Variants in SNURF observed in about 807,000 individuals in gnomAD.
SNURF encodes the protein SNRPN upstream open reading frame.
A neutral mutation model predicts 11.6 loss-of-function variants in SNURF; 6 were observed. The observed-to-expected ratio is 0.52, with a 90% CI of 0.28 to 1.02. The LOEUF is 1.02. SNURF is among the 50% of genes least tolerant of loss of function. The probability of loss-of-function intolerance (pLI) is 0.09; values close to 1 mark genes in which losing one functional copy is unlikely to be tolerated. For synonymous variants in SNURF, 29 were observed against 31.6 expected (o/e 0.92, Z 0.27); for missense variants, 84 against 88.4 (o/e 0.95, Z 0.20).
At chr15:24,961,239 T>C (rs991966987) in intron 1 of SNURF, among the ~76,000 whole-genome samples, 5 of 152,190 alleles carry the variant, frequency 3.3e-5, no homozygotes, top group Non-Finnish European at 5.9e-5. Context: ...TTTAAACTCT[T>C]GAAAGAATAA....
intron 1 of SNURF, among the ~76,000 whole-genome samples, chr15:24,959,828 T>C (rs1370559304): frequency 6.6e-6 from 1 of 152,234 alleles, no homozygotes; most frequent in Admixed American, 6.5e-5. Flanking sequence ...ATAATGCTAC[T>C]AGGAACACGT....
chr15:24,959,210 T>G (rs187485581), intron 1 of SNURF, among the ~76,000 whole-genome samples: 1 of 152,374 alleles, frequency 6.6e-6, no homozygotes, highest in Admixed American at 6.5e-5. Flanking sequence ...CTCAGTTTCA[T>G]AAAATGTTGG....
chr15:24,975,044 G>A (rs2076909407), intron 3 of SNURF: 2 of 697,016 alleles, frequency 2.9e-6, no homozygotes, highest in Admixed American at 4.1e-5. Flanking sequence ...TGGAGAGAGA[G>A]AACACCCTAC....
At chr15:24,975,757 C>T (rs1396890698) in intron 4 of SNURF, among the ~76,000 whole-genome samples, 2 of 152,052 alleles carry the variant, frequency 1.3e-5, no homozygotes, top group Non-Finnish European at 2.9e-5. Context: ...TCAGAATACT[C>T]GTATTTATTT....
At chr15:24,969,418 C>T (rs1045359563), downstream of SNURF, among the ~76,000 whole-genome samples, 8 of 152,150 alleles carry the variant, frequency 5.3e-5, no homozygotes, top group Non-Finnish European at 7.3e-5. Context: ...CGTGACCTAC[C>T]GCGCCCGGCC....
intron 1 of SNURF, among the ~76,000 whole-genome samples, chr15:24,955,506 C>T (rs1334030058): frequency 3.4e-5 from 5 of 145,992 alleles, no homozygotes. Context: ...TGTGGCGGGG[C>T]GAAGGTACGT....
chr15:24,966,554 G>C (rs964358833), intron 2 of SNURF, among the ~76,000 whole-genome samples: 1 of 152,084 alleles, frequency 6.6e-6, no homozygotes, highest in Non-Finnish European at 1.5e-5. Flanking sequence ...TTTAGTCTTT[G>C]TTTGATCTTT....
intron 3 of SNURF, chr15:24,974,188 A>C: frequency 2.0e-6 from 1 of 487,966 alleles, no homozygotes; most frequent in South Asian, 2.6e-5. Context: ...CTTGGTGAGG[A>C]AGCTAGTATG....
intron 1 of SNURF, among the ~76,000 whole-genome samples, chr15:24,961,200 A>G (rs2074747881): frequency 6.6e-6 from 1 of 152,236 alleles, no homozygotes; most frequent in African/African-American, 2.4e-5. Context: ...TTTAGAAATC[A>G]AATATGTGTG....
Position 24,967,885 on chromosome 15 carries a change from A to G in SNURF, c.111-47A>G, listed in dbSNP as rs74003522. On this transcript the variant is annotated intron_variant, in intron 2 of 2. Coordinates refer to ENST00000577949, the Ensembl canonical transcript of SNURF. Reference sequence around the variant, plus strand: ...TTTTCTTTCATATGGTTTCCTATAAAGACAAATGTATTTTTATCATTTATA... The same window carrying G: ...TTTTCTTTCATATGGTTTCCTATAAGGACAAATGTATTTTTATCATTTATA... 1,349 of 1,518,936 alleles carry G rather than the reference A, an allele frequency of 8.9e-4. 13 individuals are homozygous for G. The African/African-American group carries it at 0.017, about 19-fold the overall frequency. The allele number at this position is 1,518,936 out of a possible 1,614,324, so 94.1% of individuals were successfully genotyped here.
exon 3 of SNURF, chr15:24,968,046 T>C: frequency 1.2e-6 from 2 of 1,612,952 alleles, no homozygotes; most frequent in East Asian, 2.2e-5. Context: ...AAAGCCATAT[T>C]GGAGTAGCGA....
chr15:24,973,761 C>T (rs559789754), downstream of SNURF, among the ~76,000 whole-genome samples: 33 of 151,652 alleles, frequency 2.2e-4, no homozygotes, highest in Admixed American at 6.6e-4. Flanking sequence ...TTATGTGAGT[C>T]TATATATATA....
intron 6 of SNURF, among the ~76,000 whole-genome samples, chr15:24,977,448 G>A (rs1034256102): frequency 6.6e-6 from 1 of 152,092 alleles, no homozygotes; most frequent in African/African-American, 2.4e-5. Context: ...ACACCAGCCC[G>A]GCCCACGTGG....
intron 2 of SNURF, among the ~76,000 whole-genome samples, chr15:24,964,985 T>C (rs887870236): frequency 2.6e-5 from 4 of 152,112 alleles, no homozygotes; most frequent in South Asian, 2.1e-4. Flanking sequence ...CTGAGTAAAG[T>C]GTAGAGTTAG....
exon 3 of SNURF, chr15:24,968,205 T>G (rs1802004382): frequency 1.6e-6 from 1 of 644,566 alleles, no homozygotes; most frequent in South Asian, 1.8e-5. Flanking sequence ...ATAAACACAT[T>G]GCAGAAAGTT....
downstream of SNURF, among the ~76,000 whole-genome samples, chr15:24,971,903 C>T (rs1225141829): frequency 3.9e-5 from 6 of 152,162 alleles, no homozygotes; most frequent in Non-Finnish European, 7.3e-5. Context: ...CATTCACAGT[C>T]ATGATCCTTG....
intron 1 of SNURF, among the ~76,000 whole-genome samples, chr15:24,956,334 G>C (rs1312484458): frequency 2.7e-5 from 4 of 147,554 alleles, no homozygotes; most frequent in Middle Eastern, 3.6e-3. Flanking sequence ...CAGCGGCTTA[G>C]ATCTGCGCAA....
At chr15:24,961,454 A>G (rs999130806) in intron 1 of SNURF, among the ~76,000 whole-genome samples, 2 of 152,164 alleles carry the variant, frequency 1.3e-5, no homozygotes, top group African/African-American at 4.8e-5. Flanking sequence ...TGGTTTCTGC[A>G]GTCCCTAATA....
downstream of SNURF, chr15:24,978,625 G>A (rs1173938758): frequency 9.4e-6 from 6 of 638,618 alleles, no homozygotes; most frequent in African/African-American, 9.1e-5. Flanking sequence ...ATTTTGATGA[G>A]ATCTTAAGTT....
Sources: allele counts gnomAD v4.1 joint callset (sites outside exome capture counted in the v4.1 genomes callset), GRCh38; gene constraint gnomAD v4.1.1; transcripts MANE v1.5; gene names NCBI Gene and HGNC (gene_info 2026-07-23, HGNC 2026-07-21).